MAEA: variants seen among roughly 807,000 people sequenced by gnomAD.
The protein encoded by MAEA is E3 ubiquitin-protein transferase MAEA.
In MAEA, 22 loss-of-function variants were observed where a neutral mutation model predicts 46.2. That is an observed-to-expected ratio of 0.48 (90% confidence interval 0.34 to 0.68). The LOEUF is 0.68. Among genes scored for constraint, MAEA ranks in the 30% least tolerant of loss-of-function variants. The probability of loss-of-function intolerance (pLI) is 0.01; values close to 1 mark genes in which losing one functional copy is unlikely to be tolerated. For missense variants in MAEA, 393 were observed against 558.1 expected (o/e 0.70, Z 2.98); for synonymous variants, 246 against 222.6 (o/e 1.11, Z -0.94).
intron 1 of MAEA, among the ~76,000 whole-genome samples, chr4:1,291,931 G>T (rs1734145389): frequency 6.6e-6 from 1 of 152,164 alleles, no homozygotes; most frequent in South Asian, 2.1e-4. Flanking sequence ...TTTTTTCATA[G>T]AAGTTTTCAG....
chr4:1,294,541 C>A (rs1050814644), intron 1 of MAEA, among the ~76,000 whole-genome samples: 4 of 148,736 alleles, frequency 2.7e-5, no homozygotes, highest in Non-Finnish European at 2.9e-5. Context: ...GCACCGCCGC[C>A]GGGCTGCAGA....
At chr4:1,319,554 G>A (rs938216882) in intron 3 of MAEA, among the ~76,000 whole-genome samples, 2 of 152,012 alleles carry the variant, frequency 1.3e-5, no homozygotes, top group African/African-American at 4.8e-5. Context: ...AGGCTGTGTT[G>A]ACGGGACATG....
chr4:1,310,844 AG>A (rs1191691954), intron 1 of MAEA, among the ~76,000 whole-genome samples: 2 of 152,022 alleles, frequency 1.3e-5, no homozygotes, highest in Non-Finnish European at 2.9e-5. Context: ...AAGTGAGTCT[AG>A]GGAAGAGCCC....
chr4:1,297,647 C>A (rs1199626659), intron 1 of MAEA, among the ~76,000 whole-genome samples: 1 of 152,174 alleles, frequency 6.6e-6, no homozygotes, highest in African/African-American at 2.4e-5. Flanking sequence ...TTGGGCGTCT[C>A]CTTTAGAGCG....
intron 5 of MAEA, 93 bp from the exon 6 acceptor site, chr4:1,332,664 A>T: frequency 1.1e-6 from 1 of 898,958 alleles, no homozygotes; most frequent in Non-Finnish European, 1.8e-6. Flanking sequence ...TGACTGTGCC[A>T]CTGCACTGCA....
chr4:1,310,533 G>A (rs1483201399), intron 1 of MAEA, among the ~76,000 whole-genome samples: 4 of 152,234 alleles, frequency 2.6e-5, no homozygotes, highest in African/African-American at 7.2e-5. Flanking sequence ...GGTTAAGCGT[G>A]TTGTGTCTTG....
chr4:1,328,748 C>T (rs961429586), intron 5 of MAEA: 2 of 1,212,334 alleles, frequency 1.6e-6, no homozygotes, highest in African/African-American at 3.2e-5. Context: ...AAGTCCCTGC[C>T]CTTGCGTGGA....
At chr4:1,322,571 A>G (rs1738266775) in intron 4 of MAEA, 68 bp downstream of exon 4, 1 of 1,588,298 alleles carries the variant, frequency 6.3e-7, no homozygotes, top group African/African-American at 1.3e-5. Context: ...CCCTGGAGCC[A>G]GCACCCCCTT....
intron 1 of MAEA, among the ~76,000 whole-genome samples, chr4:1,305,303 G>T (rs948006230): frequency 6.6e-6 from 1 of 152,168 alleles, no homozygotes; most frequent in Non-Finnish European, 1.5e-5. Context: ...AGGTGAGCCC[G>T]GCCCTGGTGA....
intron 5 of MAEA, chr4:1,329,048 C>T: frequency 2.0e-6 from 2 of 985,836 alleles, no homozygotes; most frequent in Non-Finnish European, 2.4e-6. Context: ...CGGCAGTCTG[C>T]TTCCATCCCG....
At chr4:1,313,002 G>A (rs1736705095) in intron 2 of MAEA, among the ~76,000 whole-genome samples, 2 of 152,238 alleles carry the variant, frequency 1.3e-5, no homozygotes, top group African/African-American at 4.8e-5. Flanking sequence ...TGGAGGTGAG[G>A]ACCGATGACC....
chr4:1,312,348 G>A, intron 2 of MAEA, 187 bp downstream of exon 2: 1 of 628,944 alleles, frequency 1.6e-6, no homozygotes, highest in Non-Finnish European at 2.8e-6. Context: ...GTTCCTGTAG[G>A]GACCGTGTTG....
chr4:1,338,434 G>C lies in MAEA; in HGVS notation c.912G>C (p.Lys304Asn). The C allele has an allele frequency of 6.2e-7, 1 of 1,612,468 alleles. No individual in the cohort carries two copies. Among genetic ancestry groups the C allele is most frequent in the Non-Finnish European group, 8.5e-7 (1 of 1,179,590 alleles). Residue 304 changes from lysine (K) to asparagine (N), a missense_variant, in exon 8 of 9, where the codon AAG becomes AAC. Lys to Asn is a moderately conservative substitution (Grantham distance 94, BLOSUM62 0). Transcript: ENST00000303400. ...ACCCGATGCTCAGACAGTGCTACAA[G>C]GAGGACGGCAGCTCCAAGAGCCCTG... is the stretch of plus-strand genomic sequence containing the variant. ...LSAIKTPQCYKEDGSSKSPDC... is the reference protein window; with the variant it reads ...LSAIKTPQCYNEDGSSKSPDC...
intron 1 of MAEA, among the ~76,000 whole-genome samples, chr4:1,290,786 C>T (rs1439801153): frequency 2.0e-5 from 3 of 152,146 alleles, no homozygotes; most frequent in Admixed American, 6.5e-5. Flanking sequence ...GACGGTGTGG[C>T]GACAGGTGTG....
Position 1,303,932 on chromosome 4 carries a change from C to T in MAEA, c.70-8047C>T, listed in dbSNP as rs190355720. Among the ~76,000 whole-genome samples, 21 of 26,822 alleles carry T rather than the reference C, an allele frequency of 7.8e-4. No individual in the cohort carries two copies. In the Admixed American group the frequency reaches 0.011, roughly 14 times the overall value. The allele number at this position is 26,822 out of a possible 152,430, so 17.6% of individuals were successfully genotyped here. A position where few individuals can be genotyped will look rare whatever the true frequency, so the allele number is the denominator to read the frequency against. ...GGGGGTCGGGCAGGGCAGGGGGGTCCGGCAGGGCAGGGTGGGGGTCGGGCA... is the reference window on the plus strand; with the variant it reads ...GGGGGTCGGGCAGGGCAGGGGGGTCTGGCAGGGCAGGGTGGGGGTCGGGCA... On this transcript the variant is annotated intron_variant, in intron 1 of 8. Coordinates refer to ENST00000303400, the MANE Select transcript of MAEA (RefSeq NM_001017405.3).
At chr4:1,304,483 C>T (rs1450282133) in intron 1 of MAEA, among the ~76,000 whole-genome samples, 4 of 152,198 alleles carry the variant, frequency 2.6e-5, no homozygotes, top group Admixed American at 2.6e-4. Context: ...CACTGTCGCC[C>T]AGGCTGGAGT....
intron 1 of MAEA, among the ~76,000 whole-genome samples, chr4:1,307,639 C>T (rs1735961758): frequency 6.6e-6 from 1 of 152,226 alleles, no homozygotes; most frequent in African/African-American, 2.4e-5. Flanking sequence ...CGCAGCAGAC[C>T]TGCACCCCAG....
intron 1 of MAEA, among the ~76,000 whole-genome samples, chr4:1,291,097 C>T (rs1399616642): frequency 6.6e-6 from 1 of 152,178 alleles, no homozygotes; most frequent in African/African-American, 2.4e-5. Flanking sequence ...AGGCTGTACC[C>T]TGCTGTAGCT....
intron 1 of MAEA, chr4:1,309,561 C>G (rs1482520426): frequency 1.4e-6 from 2 of 1,468,626 alleles, no homozygotes; most frequent in South Asian, 1.3e-5. Context: ...TGGATAGCCC[C>G]GGGCCAGCGC....
Sources: gnomAD v4.1 joint callset for allele counts (sites outside exome capture counted in the v4.1 genomes callset) on GRCh38, gnomAD v4.1.1 for gene constraint, MANE v1.5 for transcripts, NCBI Gene and HGNC (gene_info 2026-07-23, HGNC 2026-07-21) for gene names.